Variants in KCNJ1 observed in about 807,000 individuals in gnomAD.
KCNJ1 encodes the protein ATP-sensitive inward rectifier potassium channel 1.
In KCNJ1, 24 loss-of-function variants were observed where a neutral mutation model predicts 21.9. The ratio of observed to expected loss-of-function variants is 1.10; its 90% CI spans 0.79 to 1.54. The LOEUF (loss-of-function observed/expected upper bound fraction) is 1.54. KCNJ1 is among the 40% of genes most tolerant of loss of function. The pLI, the probability that KCNJ1 is intolerant of heterozygous loss-of-function variation, is 0.00. For synonymous variants in KCNJ1, 152 were observed against 160.9 expected, an observed-to-expected ratio of 0.94 and a Z score of 0.42; for missense variants, 457 against 455.4, an observed-to-expected ratio of 1.00 and a Z score of -0.03.
chr11:128,852,659 G>C (rs1943496637), intron 1 of KCNJ1, among the ~76,000 whole-genome samples: 2 of 152,248 alleles, frequency 1.3e-5, no homozygotes, highest in Non-Finnish European at 1.5e-5. Flanking sequence ...CTTCTCACTG[G>C]GGCTCTTCTT....
At chr11:128,850,169 A>C in intron 2 of KCNJ1, among the ~76,000 whole-genome samples, 1 of 150,140 alleles carries the variant, frequency 6.7e-6, no homozygotes, top group East Asian at 2.0e-4. Context: ...TTGGAGCTCT[A>C]CTCTCCCCCA....
intron 1 of KCNJ1, among the ~76,000 whole-genome samples, chr11:128,859,412 C>T (rs927660822): frequency 3.9e-5 from 6 of 152,164 alleles, no homozygotes; most frequent in African/African-American, 1.4e-4. Flanking sequence ...TGCCCCACTC[C>T]GGGCTAGTGT....
At chr11:128,846,619 T>G (rs963522178) in intron 2 of KCNJ1, among the ~76,000 whole-genome samples, 2 of 152,166 alleles carry the variant, frequency 1.3e-5, no homozygotes, top group Non-Finnish European at 1.5e-5. Context: ...ATAAAGGTTT[T>G]CTCTATAATC....
At chr11:128,864,395 A>AG (rs1943778924) in intron 1 of KCNJ1, among the ~76,000 whole-genome samples, 1 of 152,048 alleles carries the variant, frequency 6.6e-6, no homozygotes, top group African/African-American at 2.4e-5. Context: ...TGACTTTTCT[A>AG]GGGGTCTATC....
chr11:128,866,677 A>G (rs1565532983), intron 1 of KCNJ1: 3 of 214,778 alleles, frequency 1.4e-5, no homozygotes, highest in Non-Finnish European at 2.4e-5. Context: ...AATGAAAGAA[A>G]GACATTTGGG....
At chr11:128,862,747 G>T (rs917057627) in intron 1 of KCNJ1, among the ~76,000 whole-genome samples, 9 of 152,258 alleles carry the variant, frequency 5.9e-5, no homozygotes, top group African/African-American at 1.9e-4. Flanking sequence ...CATGCCTGTG[G>T]CTTATCTCTG....
intron 1 of KCNJ1, among the ~76,000 whole-genome samples, chr11:128,856,091 C>G (rs1229957548): frequency 6.6e-6 from 1 of 151,454 alleles, no homozygotes; most frequent in African/African-American, 2.5e-5. Context: ...CGGGAAAAGA[C>G]AGCAGGCTCT....
At chr11:128,846,937 A>T (rs149226760) in intron 2 of KCNJ1, among the ~76,000 whole-genome samples, 4 of 152,220 alleles carry the variant, frequency 2.6e-5, no homozygotes, top group Non-Finnish European at 4.4e-5. Flanking sequence ...AAACAAGGCC[A>T]CTCTGTAATC....
At chr11:128,848,339 A>G (rs1327744828) in intron 2 of KCNJ1, among the ~76,000 whole-genome samples, 3 of 149,670 alleles carry the variant, frequency 2.0e-5, no homozygotes, top group Admixed American at 2.0e-4. Flanking sequence ...GTGCACCACC[A>G]TGCCCAGCTG....
chr11:128,856,213 G>A (rs1943586664), intron 1 of KCNJ1, among the ~76,000 whole-genome samples: 1 of 152,182 alleles, frequency 6.6e-6, no homozygotes, highest in Admixed American at 6.5e-5. Context: ...GAAAGGCTGT[G>A]GATCAGAGAG....
chr11:128,861,108 T>G (rs1476029536), intron 1 of KCNJ1, among the ~76,000 whole-genome samples: 1 of 152,088 alleles, frequency 6.6e-6, no homozygotes, highest in African/African-American at 2.4e-5. Context: ...ACTGGTGAAA[T>G]ATGGGTGGCA....
rs541854269 is a variant in KCNJ1, at chr11:128,853,922, G to A, written c.-191-3032C>T. On this transcript the variant is annotated intron_variant, in intron 1 of 2. Coordinates refer to ENST00000392666, the MANE Select transcript of KCNJ1 (RefSeq NM_153766.3). ...TTCTGCTCACCCTCACTGCTAAACA[G>A]AACCTCTGCTAGTGTGGGAGATGTC... Among the ~76,000 whole-genome samples the A allele has an allele frequency of 2.3e-4, 35 of 152,366 alleles. No individual in the cohort carries two copies. The South Asian group carries it at 7.0e-3, about 31-fold the overall frequency.
chr11:128,861,287 G>T (rs1052238284), intron 1 of KCNJ1, among the ~76,000 whole-genome samples: 2 of 152,358 alleles, frequency 1.3e-5, no homozygotes, highest in Admixed American at 1.3e-4. Context: ...CTGAAGCAGG[G>T]CTGCAGCATT....
chr11:128,860,046 G>A (rs562113197), intron 1 of KCNJ1, among the ~76,000 whole-genome samples: 2 of 152,342 alleles, frequency 1.3e-5, no homozygotes, highest in East Asian at 1.9e-4. Context: ...GCCTGCCGAG[G>A]GCACTGCGCA....
chr11:128,864,960 G>A (rs981850043), intron 1 of KCNJ1, among the ~76,000 whole-genome samples: 8 of 151,832 alleles, frequency 5.3e-5, no homozygotes, highest in African/African-American at 7.3e-5. Context: ...ACCACCTTCC[G>A]GACACTGCCC....
chr11:128,855,534 A>G (rs752454134), intron 1 of KCNJ1, among the ~76,000 whole-genome samples: 21 of 152,234 alleles, frequency 1.4e-4, no homozygotes, highest in Non-Finnish European at 2.6e-4. Flanking sequence ...TGGCAAAGCA[A>G]AGATGGGGCT....
At position 128,847,006 on chromosome 11, in the gene KCNJ1, C is replaced by T. The variant is rs542325893; in HGVS notation, c.-22+3715G>A. Among the ~76,000 whole-genome samples the T allele has an allele frequency of 1.5e-3, 225 of 152,272 alleles. 3 individuals are homozygous for T. In the South Asian group the frequency reaches 0.026, roughly 17 times the overall value. Reference sequence around the variant, plus strand: ...CAAGCCACAAAATGGCCGAATATCCCCCCATCCTGATGAGTGTCTGCTGTT... The same window carrying T: ...CAAGCCACAAAATGGCCGAATATCCTCCCATCCTGATGAGTGTCTGCTGTT... On this transcript the variant is annotated intron_variant, in intron 2 of 2. Transcript: ENST00000392666.
At chr11:128,846,360 C>G (rs750475977) in intron 2 of KCNJ1, among the ~76,000 whole-genome samples, 15 of 152,148 alleles carry the variant, frequency 9.9e-5, no homozygotes, top group Non-Finnish European at 1.8e-4. Context: ...TAAATAGCTA[C>G]AATTATTATA....
At position 128,841,755 on chromosome 11, in the gene KCNJ1, G is replaced by A. The variant is rs186622115; in HGVS notation, c.-21-1491C>T. Among the ~76,000 whole-genome samples, 281 of 152,268 alleles carry A rather than the reference G, an allele frequency of 1.8e-3. 1 individual carries two copies. The highest frequency in any genetic ancestry group is 6.2e-3 in the African/African-American group (258 of 41,552). Reference sequence around the variant, plus strand: ...AAACACAAGAAGCCAACGCCAAGTCGAAGCGGTGATGAGAAAACCACAGCT... The same window carrying A: ...AAACACAAGAAGCCAACGCCAAGTCAAAGCGGTGATGAGAAAACCACAGCT... On this transcript the variant is annotated intron_variant, in intron 2 of 2. Transcript: ENST00000392666.
Sources: allele counts gnomAD v4.1 joint callset (sites outside exome capture counted in the v4.1 genomes callset), GRCh38; gene constraint gnomAD v4.1.1; transcripts MANE v1.5; gene names NCBI Gene and HGNC (gene_info 2026-07-23, HGNC 2026-07-21).